Variants in GABRB1 observed in about 807,000 individuals in gnomAD.
The protein encoded by GABRB1 is gamma-aminobutyric acid receptor subunit beta-1.
Under a neutral mutation model 51.6 loss-of-function variants are expected in GABRB1, and 17 were observed. The observed-to-expected ratio is 0.33, with a 90% confidence interval of 0.23 to 0.49. The LOEUF is 0.49. Among genes scored for constraint, GABRB1 ranks in the 20% least tolerant of loss-of-function variants. The pLI, the probability that GABRB1 is intolerant of heterozygous loss-of-function variation, is 0.99. For missense variants in GABRB1, 410 were observed against 600.6 expected, an observed-to-expected ratio of 0.68 and a Z score of 3.32; for synonymous variants, 247 against 218.9, an observed-to-expected ratio of 1.13 and a Z score of -1.14.
At chr4:47,162,367 A>G (rs1362360350) in intron 4 of GABRB1, among the ~76,000 whole-genome samples, 3 of 152,186 alleles carry the variant, frequency 2.0e-5, no homozygotes, top group East Asian at 1.9e-4. Context: ...CCATGACTCA[A>G]TTTAATAGGC....
chr4:47,077,588 A>G (rs760040660), intron 3 of GABRB1, among the ~76,000 whole-genome samples: 48 of 151,978 alleles, frequency 3.2e-4, no homozygotes, highest in Non-Finnish European at 5.3e-4. Context: ...CAAAACACTC[A>G]CTAAAAATAC....
At chr4:47,327,593 T>A (rs1400812028) in intron 5 of GABRB1, among the ~76,000 whole-genome samples, 1 of 152,186 alleles carries the variant, frequency 6.6e-6, no homozygotes, top group Non-Finnish European at 1.5e-5. Context: ...CTGGTTACTT[T>A]TACACTGGTT....
rs76639891 is a variant in GABRB1 at position 47,147,624 on chromosome 4, G to A, written c.241-13625G>A. Among the ~76,000 whole-genome samples, 130 of 152,206 alleles carry A rather than the reference G, an allele frequency of 8.5e-4. 1 individual carries two copies. In the East Asian group the frequency reaches 0.022, roughly 26 times the overall value. On this transcript the variant is annotated intron_variant, in intron 3 of 8. Transcript: ENST00000295454. ...TGATGACAGCCTACTGTGGGAGCAC[G>A]TCGGAAGGGCCAAACCCAGACTTCC...
chr4:47,209,273 T>C (rs1301357851), intron 4 of GABRB1, among the ~76,000 whole-genome samples: 1 of 152,134 alleles, frequency 6.6e-6, no homozygotes, highest in African/African-American at 2.4e-5. Context: ...ACAGCATTCA[T>C]TATTAGATTG....
chr4:47,138,012 A>G (rs1037022124), intron 3 of GABRB1, among the ~76,000 whole-genome samples: 2 of 152,122 alleles, frequency 1.3e-5, no homozygotes, highest in African/African-American at 2.4e-5. Flanking sequence ...TAAGTTGTCC[A>G]GAAAAAGTAT....
intron 4 of GABRB1, among the ~76,000 whole-genome samples, chr4:47,303,382 C>A (rs572249180): frequency 1.9e-3 from 240 of 126,814 alleles, no homozygotes; most frequent in Middle Eastern, 4.1e-3. Flanking sequence ...CTCTCTCTCT[C>A]TCTCTATATA....
chr4:47,192,021 C>T (rs1049806368), intron 4 of GABRB1, among the ~76,000 whole-genome samples: 2 of 151,932 alleles, frequency 1.3e-5, no homozygotes, highest in Admixed American at 6.6e-5. Flanking sequence ...TAAATAGACT[C>T]GTACAATTAC....
At chr4:47,285,237 G>T (rs571246063) in intron 4 of GABRB1, among the ~76,000 whole-genome samples, 2 of 152,284 alleles carry the variant, frequency 1.3e-5, no homozygotes, top group African/African-American at 4.8e-5. Flanking sequence ...TTTTCACAAA[G>T]GACATATGGT....
intron 3 of GABRB1, among the ~76,000 whole-genome samples, chr4:47,073,410 C>T (rs1287000253): frequency 6.6e-6 from 1 of 152,148 alleles, no homozygotes; most frequent in Non-Finnish European, 1.5e-5. Flanking sequence ...AATAAGCATC[C>T]TTAGCCACTT....
chr4:47,066,390 T>G (rs1429200319), intron 3 of GABRB1, among the ~76,000 whole-genome samples: 2 of 152,328 alleles, frequency 1.3e-5, no homozygotes, highest in East Asian at 3.9e-4. Flanking sequence ...AGATTGACAC[T>G]TTCTTTCATG....
At chr4:47,091,004 T>C (rs538621162) in intron 3 of GABRB1, among the ~76,000 whole-genome samples, 1 of 152,310 alleles carries the variant, frequency 6.6e-6, no homozygotes, top group South Asian at 2.1e-4. Context: ...CATTATAATA[T>C]CATCAGCTCA....
At chr4:47,179,461 T>C (rs1296424978) in intron 4 of GABRB1, among the ~76,000 whole-genome samples, 1 of 152,162 alleles carries the variant, frequency 6.6e-6, no homozygotes, top group African/African-American at 2.4e-5. Context: ...TAAATCATTC[T>C]ACTGTGAAGA....
At chr4:47,296,218 A>C (rs968338130) in intron 4 of GABRB1, among the ~76,000 whole-genome samples, 5 of 152,214 alleles carry the variant, frequency 3.3e-5, no homozygotes, top group Non-Finnish European at 5.9e-5. Context: ...CAAAATAACC[A>C]GCTAACATCA....
intron 4 of GABRB1, among the ~76,000 whole-genome samples, chr4:47,181,442 T>C (rs1718943362): frequency 6.6e-6 from 1 of 152,084 alleles, no homozygotes; most frequent in African/African-American, 2.4e-5. Context: ...ATGTTAATTA[T>C]ATGTAAACCA....
intron 5 of GABRB1, among the ~76,000 whole-genome samples, chr4:47,330,156 A>G (rs1176021184): frequency 6.6e-6 from 1 of 152,124 alleles, no homozygotes; most frequent in Admixed American, 6.6e-5. Flanking sequence ...CTCAGGGGAG[A>G]GTCAGTTTAT....
At chr4:47,143,366 G>GTA (rs1717012812) in intron 3 of GABRB1, among the ~76,000 whole-genome samples, 1 of 151,546 alleles carries the variant, frequency 6.6e-6, no homozygotes, top group African/African-American at 2.4e-5. Context: ...TTCTTTCCCG[G>GTA]TATTATTTTC....
chr4:47,021,781 T>G (rs139376151), intron 1 of GABRB1, among the ~76,000 whole-genome samples: 6 of 152,142 alleles, frequency 3.9e-5, no homozygotes, highest in Non-Finnish European at 7.4e-5. Flanking sequence ...CTAAGCTATG[T>G]GACCCACTAC....
intron 3 of GABRB1, among the ~76,000 whole-genome samples, chr4:47,101,802 G>A (rs918748430): frequency 7.9e-5 from 12 of 152,032 alleles, no homozygotes; most frequent in African/African-American, 2.9e-4. Flanking sequence ...GAGATGTACA[G>A]GTGTAGAGGG....
At chr4:47,377,042 A>T (rs1466335784) in intron 5 of GABRB1, among the ~76,000 whole-genome samples, 1 of 105,530 alleles carries the variant, frequency 9.5e-6, no homozygotes, top group Non-Finnish European at 1.9e-5. Flanking sequence ...TTCTTTCAGG[A>T]TAAAAAAAAA....
Sources: gnomAD v4.1 joint callset for allele counts (sites outside exome capture counted in the v4.1 genomes callset) on GRCh38, gnomAD v4.1.1 for gene constraint, MANE v1.5 for transcripts, NCBI Gene and HGNC (gene_info 2026-07-23, HGNC 2026-07-21) for gene names.